Variants in S100A8 observed in about 807,000 individuals in gnomAD.
The protein encoded by S100A8 is protein S100-A8.
Under a neutral mutation model 4.2 loss-of-function variants are expected in S100A8, and 1 was observed. The ratio of observed to expected loss-of-function variants is 0.24; its 90% CI spans 0.08 to 1.12. S100A8 has a LOEUF of 1.12. Ranked by LOEUF, S100A8 falls within the 50% of genes most tolerant of loss-of-function variation. The pLI is 0.53. For missense variants in S100A8, 96 were observed against 111.8 expected, an observed-to-expected ratio of 0.86 and a Z score of 0.64; for synonymous variants, 41 against 44.7, an observed-to-expected ratio of 0.92 and a Z score of 0.33.
chr1:153,395,988 C>G (rs980015472), upstream of S100A8, among the ~76,000 whole-genome samples: 4 of 152,240 alleles, frequency 2.6e-5, no homozygotes, highest in African/African-American at 9.6e-5. Context: ...TACCCTCACC[C>G]CTGTGCTACC....
chr1:153,400,846 A>C, the S100A8 span, among the ~76,000 whole-genome samples: 1 of 152,246 alleles, frequency 6.6e-6, no homozygotes, highest in Non-Finnish European at 1.5e-5. Flanking sequence ...CAATATCCAT[A>C]ACCAAGAAAC....
chr1:153,395,503 G>T (rs1465676600), upstream of S100A8, among the ~76,000 whole-genome samples: 1 of 151,946 alleles, frequency 6.6e-6, no homozygotes, highest in Non-Finnish European at 1.5e-5. Flanking sequence ...TTCTGATGCC[G>T]CCTCCCTCCC....
chr1:153,397,641 T>G, the S100A8 span, among the ~76,000 whole-genome samples: 1 of 152,088 alleles, frequency 6.6e-6, no homozygotes, highest in African/African-American at 2.4e-5. Flanking sequence ...ATTTGGCTGG[T>G]GGGCATGAGG....
At chr1:153,418,322 T>C in the S100A8 span, 2 of 1,506,902 alleles carry the variant, frequency 1.3e-6, no homozygotes, top group Non-Finnish European at 1.8e-6. Flanking sequence ...CATCCTCTGA[T>C]TAAAAAGTTT....
At chr1:153,400,603 G>T in the S100A8 span, among the ~76,000 whole-genome samples, 1 of 152,254 alleles carries the variant, frequency 6.6e-6, no homozygotes, top group Non-Finnish European at 1.5e-5. Context: ...CAGTTTGCTG[G>T]GTGAGCCTTC....
At chr1:153,403,514 T>C in the S100A8 span, among the ~76,000 whole-genome samples, 1 of 152,190 alleles carries the variant, frequency 6.6e-6, no homozygotes, top group Non-Finnish European at 1.5e-5. Context: ...ACAAGCTTTG[T>C]TTCCTGAGTT....
chr1:153,402,125 A>G, the S100A8 span, among the ~76,000 whole-genome samples: 1 of 152,218 alleles, frequency 6.6e-6, no homozygotes, highest in South Asian at 2.1e-4. Flanking sequence ...GGGAGTCCCT[A>G]GGCTGCTTCT....
the S100A8 span, among the ~76,000 whole-genome samples, chr1:153,397,871 A>G: frequency 2.5e-3 from 374 of 152,202 alleles, 1 homozygote; most frequent in African/African-American, 8.7e-3. Flanking sequence ...TTCTGTGTCC[A>G]GGTTCTATCC....
the S100A8 span, among the ~76,000 whole-genome samples, chr1:153,412,024 G>A: frequency 1.3e-5 from 2 of 152,082 alleles, no homozygotes; most frequent in African/African-American, 2.4e-5. Flanking sequence ...TAAAACCATA[G>A]AAACCCTAGA....
chr1:153,408,645 C>T, the S100A8 span, among the ~76,000 whole-genome samples: 1 of 151,986 alleles, frequency 6.6e-6, no homozygotes, highest in African/African-American at 2.4e-5. Context: ...AGATACTCCT[C>T]GAAAAGAGCA....
chr1:153,422,002 G>C, the S100A8 span: 1 of 152,168 alleles, frequency 6.6e-6, no homozygotes, highest in Non-Finnish European at 1.5e-5. Context: ...ACATCTATTC[G>C]GATATTCTGT....
the S100A8 span, among the ~76,000 whole-genome samples, chr1:153,397,830 C>T: frequency 2.6e-5 from 4 of 152,190 alleles, no homozygotes; most frequent in African/African-American, 9.7e-5. Flanking sequence ...CCCAGCTTCC[C>T]TCACCTCGGC....
chr1:153,405,657 C>T, the S100A8 span, among the ~76,000 whole-genome samples: 1 of 152,280 alleles, frequency 6.6e-6, no homozygotes, highest in Non-Finnish European at 1.5e-5. Context: ...CCCACCTAGA[C>T]CTATAAATTA....
chr1:153,393,603 G>A (rs57132387), upstream of S100A8, among the ~76,000 whole-genome samples: 1 of 152,248 alleles, frequency 6.6e-6, no homozygotes, highest in East Asian at 1.9e-4. Context: ...GACAAAAGAT[G>A]AATCAAGCTC....
the S100A8 span, among the ~76,000 whole-genome samples, chr1:153,415,793 T>G: frequency 6.6e-6 from 1 of 152,094 alleles, no homozygotes; most frequent in African/African-American, 2.4e-5. Context: ...AATCCAGGGC[T>G]TCTGTGAGGG....
the S100A8 span, among the ~76,000 whole-genome samples, chr1:153,415,775 C>A: frequency 6.6e-6 from 1 of 152,154 alleles, no homozygotes; most frequent in South Asian, 2.1e-4. Context: ...CCCCAGTCCC[C>A]CCACCTAAAT....
chr1:153,404,355 C>G, the S100A8 span, among the ~76,000 whole-genome samples: 1,995 of 152,310 alleles, frequency 0.013, 19 homozygotes, highest in Non-Finnish European at 0.021. Context: ...CTCCAGCCCT[C>G]TAATCACATG....
At chr1:153,415,507 G>A in the S100A8 span, among the ~76,000 whole-genome samples, 147 of 152,260 alleles carry the variant, frequency 9.7e-4, no homozygotes, top group African/African-American at 3.3e-3. Flanking sequence ...AGGGACTCCT[G>A]TGCCTTCCCA....
the S100A8 span, among the ~76,000 whole-genome samples, chr1:153,409,783 C>T: frequency 6.6e-6 from 1 of 152,244 alleles, no homozygotes; most frequent in African/African-American, 2.4e-5. Context: ...AACTGTCTCT[C>T]AGACCACAGT....
Sources: gnomAD v4.1 joint callset for allele counts (sites outside exome capture counted in the v4.1 genomes callset) on GRCh38, gnomAD v4.1.1 for gene constraint, MANE v1.5 for transcripts, NCBI Gene and HGNC (gene_info 2026-07-23, HGNC 2026-07-21) for gene names.